The following LRRC4C variants were observed in gnomAD, a reference collection of about 807,000 sequenced individuals.
LRRC4C encodes the protein leucine-rich repeat-containing protein 4C.
In LRRC4C, 5 loss-of-function variants were observed where a neutral mutation model predicts 33.6. That is an observed-to-expected ratio of 0.15 (90% CI 0.08 to 0.31). The LOEUF (loss-of-function observed/expected upper bound fraction) is 0.31. Among genes scored for constraint, LRRC4C ranks in the 10% least tolerant of loss-of-function variants. The probability of loss-of-function intolerance (pLI) is 1.00; values close to 1 mark genes in which losing one functional copy is unlikely to be tolerated. For synonymous variants in LRRC4C, 329 were observed against 302.0 expected (o/e 1.09, Z -0.93); for missense variants, 560 against 796.7 (o/e 0.70, Z 3.58).
At chr11:40,769,592 A>T (rs1949652857) in intron 2 of LRRC4C, among the ~76,000 whole-genome samples, 1 of 152,172 alleles carries the variant, frequency 6.6e-6, no homozygotes, top group Non-Finnish European at 1.5e-5. Flanking sequence ...TTACAGAGCT[A>T]TTGTAACCAA....
At chr11:41,111,545 A>G (rs1941831602) in intron 1 of LRRC4C, among the ~76,000 whole-genome samples, 1 of 152,050 alleles carries the variant, frequency 6.6e-6, no homozygotes, top group African/African-American at 2.4e-5. Context: ...AAAGACGAGG[A>G]AAAAAGGTGG....
rs1309898600 is a variant in LRRC4C, at chr11:40,116,304, C to T, written c.-12G>A. 2 of 1,577,754 alleles carry T rather than the reference C, an allele frequency of 1.3e-6. No homozygotes were observed. Among genetic ancestry groups the T allele is most frequent in the African/African-American group, 2.7e-5 (2 of 73,836 alleles). On this transcript the variant is annotated 5_prime_UTR_variant, in exon 7 of 7. Transcript: ENST00000528697. Reference sequence around the variant, plus strand: ...ATCTTGTTCAACATTCATAATTTATCTGGTGTTGGTCCTTCTGGAATTCAA... The same window carrying T: ...ATCTTGTTCAACATTCATAATTTATTTGGTGTTGGTCCTTCTGGAATTCAA...
At position 41,152,151 on chromosome 11, in the gene LRRC4C, G is replaced by T. The variant is rs535399717; in HGVS notation, c.-495-218428C>A. On this transcript the variant is annotated intron_variant, in intron 1 of 6. Coordinates refer to ENST00000528697, the MANE Select transcript of LRRC4C (RefSeq NM_001258419.2). ...CCAGCTCCATATGTAGTTAAAGAAT[G>T]CTGATGTTACTAGCTCCCAGGGACG... Among the ~76,000 whole-genome samples, 55 of 152,302 alleles carry T rather than the reference G, an allele frequency of 3.6e-4. 2 individuals are homozygous for T. In the South Asian group the frequency reaches 0.011, roughly 31 times the overall value.
chr11:40,717,569 G>A (rs946329452), intron 2 of LRRC4C, among the ~76,000 whole-genome samples: 1 of 151,736 alleles, frequency 6.6e-6, no homozygotes, highest in African/African-American at 2.4e-5. Context: ...CTTTTTTTGG[G>A]GGGGTACAGA....
chr11:40,490,872 G>A (rs987262490), intron 3 of LRRC4C, among the ~76,000 whole-genome samples: 2 of 152,164 alleles, frequency 1.3e-5, no homozygotes, highest in African/African-American at 4.8e-5. Context: ...AGCTCATAAA[G>A]AGTATCATTT....
At chr11:40,415,007 ACT>A (rs545526059) in intron 3 of LRRC4C, among the ~76,000 whole-genome samples, 18 of 151,664 alleles carry the variant, frequency 1.2e-4, no homozygotes, top group Non-Finnish European at 2.7e-4. Flanking sequence ...ACTTTTTGAA[ACT>A]CTGTTTATGA....
At chr11:40,841,277 A>G (rs1952899645) in intron 2 of LRRC4C, among the ~76,000 whole-genome samples, 1 of 152,190 alleles carries the variant, frequency 6.6e-6, no homozygotes, top group Non-Finnish European at 1.5e-5. Flanking sequence ...GTAGTTTCTT[A>G]GTCCCAATCC....
chr11:40,662,383 G>A (rs762870174), intron 2 of LRRC4C, among the ~76,000 whole-genome samples: 37 of 152,176 alleles, frequency 2.4e-4, no homozygotes, highest in Non-Finnish European at 4.4e-4. Context: ...GTCTACCTTG[G>A]GCTAGAGGTA....
chr11:41,266,478 C>T (rs1374981403), intron 1 of LRRC4C, among the ~76,000 whole-genome samples: 4 of 151,480 alleles, frequency 2.6e-5, no homozygotes, highest in African/African-American at 9.7e-5. Flanking sequence ...ATAATTTGTT[C>T]AAAAGAGAAA....
intron 1 of LRRC4C, among the ~76,000 whole-genome samples, chr11:41,192,052 C>T (rs1342209101): frequency 6.6e-6 from 1 of 152,098 alleles, no homozygotes; most frequent in Non-Finnish European, 1.5e-5. Flanking sequence ...CCCTAGATAG[C>T]CACACAGCAC....
chr11:40,821,174 T>C (rs962547793), intron 2 of LRRC4C, among the ~76,000 whole-genome samples: 3 of 151,710 alleles, frequency 2.0e-5, no homozygotes, highest in Non-Finnish European at 4.4e-5. Context: ...GAGATGTATT[T>C]CATGTTCATG....
intron 1 of LRRC4C, among the ~76,000 whole-genome samples, chr11:41,001,078 T>C (rs1012181322): frequency 1.2e-4 from 19 of 152,172 alleles, no homozygotes; most frequent in African/African-American, 4.6e-4. Flanking sequence ...TTTACAGTAG[T>C]TGGTATAATA....
chr11:40,330,596 A>C (rs1381581728), intron 3 of LRRC4C, among the ~76,000 whole-genome samples: 2 of 152,182 alleles, frequency 1.3e-5, no homozygotes, highest in Non-Finnish European at 2.9e-5. Flanking sequence ...AGGACTCAGG[A>C]AACTTACTAT....
chr11:41,303,369 G>C (rs1030595355), intron 1 of LRRC4C, among the ~76,000 whole-genome samples: 1 of 120,168 alleles, frequency 8.3e-6, no homozygotes, highest in Non-Finnish European at 1.8e-5. Context: ...GATTGCAGAC[G>C]GAGTCTCGTT....
intron 1 of LRRC4C, among the ~76,000 whole-genome samples, chr11:41,449,938 T>C (rs1442324159): frequency 6.6e-6 from 1 of 152,152 alleles, no homozygotes; most frequent in Admixed American, 6.6e-5. Flanking sequence ...AATTTCTAAA[T>C]GTATTATTGT....
intron 2 of LRRC4C, among the ~76,000 whole-genome samples, chr11:40,913,333 T>C (rs2136289770): frequency 6.6e-6 from 1 of 152,158 alleles, no homozygotes; most frequent in Middle Eastern, 3.4e-3. Flanking sequence ...AGAAAAGAAA[T>C]TATAACAAAC....
intron 5 of LRRC4C, among the ~76,000 whole-genome samples, chr11:40,241,171 G>T (rs1865901020): frequency 6.6e-6 from 1 of 152,042 alleles, no homozygotes; most frequent in African/African-American, 2.4e-5. Context: ...AGTTCTAATT[G>T]CTTGAGGCAG....
intron 1 of LRRC4C, among the ~76,000 whole-genome samples, chr11:41,347,813 T>A (rs182348312): frequency 6.6e-6 from 1 of 152,160 alleles, no homozygotes; most frequent in East Asian, 1.9e-4. Context: ...ATTTGCAATA[T>A]CTTGGAATCA....
At chr11:41,389,175 G>C (rs945104565) in intron 1 of LRRC4C, among the ~76,000 whole-genome samples, 1 of 151,612 alleles carries the variant, frequency 6.6e-6, no homozygotes, top group Admixed American at 6.6e-5. Context: ...TTAGCAAAAA[G>C]ATAAAATATC....
Sources: gnomAD v4.1 joint callset for allele counts (sites outside exome capture counted in the v4.1 genomes callset) on GRCh38, gnomAD v4.1.1 for gene constraint, MANE v1.5 for transcripts, NCBI Gene and HGNC (gene_info 2026-07-23, HGNC 2026-07-21) for gene names.